The following AEBP2 variants were observed in gnomAD, a reference collection of about 807,000 sequenced individuals.
The protein encoded by AEBP2 is zinc finger protein AEBP2.
AEBP2 carries 10 observed loss-of-function variants against 50.8 expected under a neutral mutation model. The observed-to-expected ratio is 0.20, with a 90% CI of 0.12 to 0.33. The LOEUF (loss-of-function observed/expected upper bound fraction) is 0.33, where lower values mean the gene tolerates loss of function less well. Ranked by LOEUF, AEBP2 falls within the 10% of genes least tolerant of loss-of-function variation. The pLI is 1.00. For synonymous variants in AEBP2, 296 were observed against 261.3 expected (o/e 1.13, Z -1.28); for missense variants, 570 against 688.0 (o/e 0.83, Z 1.92).
chr12:19,416,322 A>G (rs2095742555), intron 1 of AEBP2, among the ~76,000 whole-genome samples: 1 of 152,232 alleles, frequency 6.6e-6, no homozygotes, highest in Non-Finnish European at 1.5e-5. Flanking sequence ...GGTATTCAAT[A>G]TTGCTCATTA....
intron 1 of AEBP2, among the ~76,000 whole-genome samples, chr12:19,443,062 T>C (rs188828935): frequency 3.2e-4 from 49 of 152,092 alleles, no homozygotes; most frequent in African/African-American, 1.2e-3. Flanking sequence ...TTATCTGATA[T>C]GCTCTAGAAT....
chr12:19,457,226 C>T (rs1948284759), intron 1 of AEBP2: 2 of 1,598,446 alleles, frequency 1.3e-6, no homozygotes, highest in Non-Finnish European at 1.7e-6. Context: ...GCCAAAAGGG[C>T]ATGCTCCTAG....
chr12:19,450,946 A>G (rs1219234520), intron 1 of AEBP2, among the ~76,000 whole-genome samples: 1 of 151,452 alleles, frequency 6.6e-6, no homozygotes, highest in African/African-American at 2.4e-5. Flanking sequence ...TAAATCAGTA[A>G]TTCATTCAAG....
intron 6 of AEBP2, among the ~76,000 whole-genome samples, chr12:19,512,853 C>T (rs1433509693): frequency 6.6e-6 from 1 of 152,042 alleles, no homozygotes; most frequent in Non-Finnish European, 1.5e-5. Flanking sequence ...GAGGCTGAGG[C>T]ACGAGAGTCA....
intron 1 of AEBP2, chr12:19,413,116 C>A: frequency 1.5e-6 from 1 of 676,644 alleles, no homozygotes; most frequent in South Asian, 1.5e-5. Context: ...TCAGTTTTTC[C>A]GGAATTCATT....
chr12:19,512,615 A>G, intron 6 of AEBP2, 150 bp downstream of exon 6: 1 of 581,208 alleles, frequency 1.7e-6, no homozygotes, highest in Non-Finnish European at 2.9e-6. Context: ...GATAATCTGA[A>G]AGGTCTTACA....
intron 5 of AEBP2, among the ~76,000 whole-genome samples, chr12:19,505,958 T>A (rs922651398): frequency 2.6e-5 from 4 of 151,826 alleles, no homozygotes; most frequent in African/African-American, 9.7e-5. Flanking sequence ...TGAGTTTTTT[T>A]TTTATTTTTT....
chr12:19,475,646 A>G (rs138213637), intron 3 of AEBP2, among the ~76,000 whole-genome samples: 3,231 of 152,148 alleles, frequency 0.021, 40 homozygotes, highest in East Asian at 0.042. Flanking sequence ...TGGTAGTTCT[A>G]CTTTTAGTTC....
At chr12:19,486,156 G>A (rs1486865704) in intron 3 of AEBP2, among the ~76,000 whole-genome samples, 1 of 151,878 alleles carries the variant, frequency 6.6e-6, no homozygotes, top group East Asian at 1.9e-4. Flanking sequence ...CCACCCATCT[G>A]CCCAGACTAT....
intron 3 of AEBP2, among the ~76,000 whole-genome samples, chr12:19,483,371 G>A (rs1948758671): frequency 6.6e-6 from 1 of 152,190 alleles, no homozygotes; most frequent in Non-Finnish European, 1.5e-5. Context: ...AGATTCCCCA[G>A]TGGGGTTGTG....
chr12:19,412,967 C>G (rs1206345581), intron 1 of AEBP2, among the ~76,000 whole-genome samples: 1 of 152,216 alleles, frequency 6.6e-6, no homozygotes, highest in Non-Finnish European at 1.5e-5. Context: ...GCCCAGGAGG[C>G]TCGCGGCAGG....
chr12:19,427,980 T>C (rs2095749447), intron 1 of AEBP2, among the ~76,000 whole-genome samples: 1 of 152,076 alleles, frequency 6.6e-6, no homozygotes, highest in Non-Finnish European at 1.5e-5. Flanking sequence ...TGATCTCCCG[T>C]AATCCCAGCA....
intron 2 of AEBP2, among the ~76,000 whole-genome samples, chr12:19,464,393 A>G (rs985486570): frequency 2.0e-5 from 3 of 152,014 alleles, no homozygotes; most frequent in African/African-American, 7.3e-5. Flanking sequence ...GTATAGAATC[A>G]TGAGCTATTT....
upstream of AEBP2, among the ~76,000 whole-genome samples, chr12:19,436,951 G>A (rs2100070595): frequency 6.6e-6 from 1 of 152,124 alleles, no homozygotes. Context: ...GAGAAGCAAA[G>A]TCTCTCACTG....
chr12:19,456,372 A>G (rs1948270002), intron 1 of AEBP2: 5 of 1,371,952 alleles, frequency 3.6e-6, no homozygotes, highest in Non-Finnish European at 5.1e-6. Flanking sequence ...AGCGCGACCC[A>G]GAGGTGGGTA....
At chr12:19,448,342 C>CA (rs1948108931) in intron 1 of AEBP2, among the ~76,000 whole-genome samples, 2 of 152,012 alleles carry the variant, frequency 1.3e-5, no homozygotes, top group African/African-American at 4.8e-5. Context: ...AGTAAAAATA[C>CA]AAAAATTAGG....
chr12:19,456,620 A>G, intron 1 of AEBP2: 2 of 1,522,442 alleles, frequency 1.3e-6, no homozygotes, highest in Non-Finnish European at 1.8e-6. Flanking sequence ...CAGTGAAGCC[A>G]GCCGCTTCCA....
At chr12:19,460,589 T>C (rs918013736) in intron 1 of AEBP2, among the ~76,000 whole-genome samples, 1 of 151,946 alleles carries the variant, frequency 6.6e-6, no homozygotes, top group Non-Finnish European at 1.5e-5. Context: ...CCTGACCTTG[T>C]GATCCACCCA....
chr12:19,502,763 C>T (rs1949102097), intron 5 of AEBP2, among the ~76,000 whole-genome samples: 1 of 152,018 alleles, frequency 6.6e-6, no homozygotes, highest in African/African-American at 2.4e-5. Context: ...ATTCTTGTGC[C>T]TCAGCCTCCC....
Sources: gnomAD v4.1 joint callset for allele counts (sites outside exome capture counted in the v4.1 genomes callset) on GRCh38, gnomAD v4.1.1 for gene constraint, MANE v1.5 for transcripts, NCBI Gene and HGNC (gene_info 2026-07-23, HGNC 2026-07-21) for gene names.